Variants in AMPH observed in about 807,000 individuals in gnomAD.
AMPH encodes amphiphysin (Stiff-Mann syndrome with breast cancer 128kD autoantigen).
In AMPH, 49 loss-of-function variants were observed where a neutral mutation model predicts 99.1. The observed-to-expected ratio is 0.49, with a 90% confidence interval of 0.39 to 0.63. AMPH has a LOEUF of 0.63. Among genes scored for constraint, AMPH ranks in the 20% least tolerant of loss-of-function variants. The pLI is 0.00. For synonymous variants in AMPH, 314 were observed against 317.3 expected, an observed-to-expected ratio of 0.99 and a Z score of 0.11; for missense variants, 759 against 863.4, an observed-to-expected ratio of 0.88 and a Z score of 1.52.
intron 1 of AMPH, among the ~76,000 whole-genome samples, chr7:38,611,952 T>G (rs1197924597): frequency 6.6e-6 from 1 of 152,184 alleles, no homozygotes; most frequent in African/African-American, 2.4e-5. Context: ...TCAAACACGG[T>G]CTGTCTACAC....
chr7:38,426,466 G>A (rs777301648), intron 15 of AMPH, among the ~76,000 whole-genome samples: 15 of 152,314 alleles, frequency 9.8e-5, no homozygotes, highest in Admixed American at 2.6e-4. Context: ...CTGCTGAAGA[G>A]GTAAGGCTCT....
rs565440886 is a variant in AMPH, at chr7:38,431,518, C to T, written c.1158+671G>A. ...TAAAAATACAAAAATTAGTTGGGCG[C>T]GGTGGCGGGTGCCTGTAGTCCCAGC... On this transcript the variant is annotated intron_variant, in intron 13 of 20. Transcript: ENST00000356264. Among the ~76,000 whole-genome samples the T allele has an allele frequency of 6.0e-4, 91 of 152,006 alleles. 1 individual carries two copies. The highest frequency in any genetic ancestry group is 3.9e-3 in the East Asian group (20 of 5,154).
At chr7:38,425,282 C>T (rs1178184714) in intron 15 of AMPH, among the ~76,000 whole-genome samples, 1 of 152,114 alleles carries the variant, frequency 6.6e-6, no homozygotes, top group Non-Finnish European at 1.5e-5. Context: ...TCATAGAGTA[C>T]CCAGTTCAGC....
At chr7:38,439,364 C>A (rs973211526) in intron 11 of AMPH, among the ~76,000 whole-genome samples, 1 of 152,182 alleles carries the variant, frequency 6.6e-6, no homozygotes, top group African/African-American at 2.4e-5. Context: ...CTGGTTTTTT[C>A]AGGCTCAACT....
At chr7:38,400,939 A>T (rs142605296) in intron 17 of AMPH, among the ~76,000 whole-genome samples, 1 of 152,320 alleles carries the variant, frequency 6.6e-6, no homozygotes, top group East Asian at 1.9e-4. Context: ...TTTTTCTAAC[A>T]AATTTTAAAA....
intron 1 of AMPH, among the ~76,000 whole-genome samples, chr7:38,580,038 T>C (rs1432164420): frequency 6.6e-6 from 1 of 152,234 alleles, no homozygotes; most frequent in Non-Finnish European, 1.5e-5. Context: ...AGTCGACTTC[T>C]GATGCTCACA....
intron 17 of AMPH, among the ~76,000 whole-genome samples, chr7:38,406,776 C>CTCTCTT (rs70975097): frequency 8.4e-6 from 1 of 118,598 alleles, no homozygotes; most frequent in Admixed American, 8.5e-5. Context: ...CTCTCTCTCT[C>CTCTCTT]GTGCTGGATG....
At chr7:38,512,436 G>T (rs2028209) in intron 2 of AMPH, among the ~76,000 whole-genome samples, 75,172 of 152,024 alleles carry the variant, frequency 0.49, 19,561 homozygotes, top group African/African-American at 0.66. Context: ...GGGAATCATT[G>T]AGACAGATGC....
intron 7 of AMPH, among the ~76,000 whole-genome samples, chr7:38,474,952 G>A (rs949874329): frequency 6.6e-6 from 1 of 152,116 alleles, no homozygotes; most frequent in Admixed American, 6.5e-5. Context: ...GGATATTATT[G>A]TTAAGTTTCA....
At chr7:38,458,915 A>T (rs564681986) in intron 11 of AMPH, among the ~76,000 whole-genome samples, 1 of 152,304 alleles carries the variant, frequency 6.6e-6, no homozygotes, top group South Asian at 2.1e-4. Context: ...ATTGGATAAG[A>T]AGAAGCCAAA....
At chr7:38,464,157 T>C (rs1330718932) in intron 9 of AMPH, 23 of 1,280,814 alleles carry the variant, frequency 1.8e-5, no homozygotes, top group Non-Finnish European at 2.0e-5. Context: ...ATGGCCCCGC[T>C]TTTTCTTCAC....
intron 3 of AMPH, among the ~76,000 whole-genome samples, chr7:38,500,513 T>A (rs1357003556): frequency 6.6e-6 from 1 of 152,154 alleles, no homozygotes; most frequent in Non-Finnish European, 1.5e-5. Context: ...CTCAGGGAAT[T>A]CTTCTAGATC....
chr7:38,532,005 A>G (rs1313161151), intron 2 of AMPH, among the ~76,000 whole-genome samples: 2 of 152,166 alleles, frequency 1.3e-5, no homozygotes, highest in African/African-American at 2.4e-5. Context: ...ATGTTTCTAC[A>G]TAAGTACCAC....
chr7:38,470,345 A>G (rs1048618037), intron 7 of AMPH, among the ~76,000 whole-genome samples: 4 of 152,236 alleles, frequency 2.6e-5, no homozygotes, highest in East Asian at 1.9e-4. Flanking sequence ...TGGAGTCTCC[A>G]ATGCCTATAA....
At chr7:38,469,510 G>C (rs1025169351) in intron 7 of AMPH, among the ~76,000 whole-genome samples, 1 of 152,162 alleles carries the variant, frequency 6.6e-6, no homozygotes, top group African/African-American at 2.4e-5. Context: ...TCTTGCAGTG[G>C]AGGAGGCAAC....
At chr7:38,579,875 A>G (rs1337477954) in intron 1 of AMPH, among the ~76,000 whole-genome samples, 1 of 152,238 alleles carries the variant, frequency 6.6e-6, no homozygotes, top group Non-Finnish European at 1.5e-5. Context: ...AATTATGCCT[A>G]GGGAAAGAGA....
intron 1 of AMPH, among the ~76,000 whole-genome samples, chr7:38,576,369 C>A (rs892217279): frequency 6.6e-6 from 1 of 152,178 alleles, no homozygotes; most frequent in South Asian, 2.1e-4. Flanking sequence ...CTTCTCCACA[C>A]AACAGTCCTT....
At chr7:38,623,809 C>A (rs1463250551) in intron 1 of AMPH, among the ~76,000 whole-genome samples, 1 of 152,100 alleles carries the variant, frequency 6.6e-6, no homozygotes, top group Non-Finnish European at 1.5e-5. Context: ...AAGCGACAAT[C>A]GAAAAAGAAT....
intron 1 of AMPH, among the ~76,000 whole-genome samples, chr7:38,553,943 A>C (rs1387195338): frequency 6.6e-6 from 1 of 152,222 alleles, no homozygotes; most frequent in African/African-American, 2.4e-5. Context: ...ACAACCAAAG[A>C]GCTGGGGCTC....
Sources: allele counts gnomAD v4.1 joint callset (sites outside exome capture counted in the v4.1 genomes callset), GRCh38; gene constraint gnomAD v4.1.1; transcripts MANE v1.5; gene names NCBI Gene and HGNC (gene_info 2026-07-23, HGNC 2026-07-21).